The following MAGI3 variants were observed in gnomAD, a reference collection of about 807,000 sequenced individuals.
MAGI3 encodes the protein membrane associated guanylate kinase, WW and PDZ domain containing 3.
In MAGI3, 43 loss-of-function variants were observed where a neutral mutation model predicts 121.8. The observed-to-expected ratio is 0.35, with a 90% CI of 0.28 to 0.46. MAGI3 has a LOEUF of 0.46. MAGI3 is among the 20% of genes least tolerant of loss of function. The pLI is 1.00. For synonymous variants in MAGI3, 553 were observed against 639.3 expected (o/e 0.86, Z 2.04); for missense variants, 1,547 against 1,797.3 (o/e 0.86, Z 2.52).
At chr1:113,410,960 C>A (rs1335333860) in intron 1 of MAGI3, among the ~76,000 whole-genome samples, 1 of 152,078 alleles carries the variant, frequency 6.6e-6, no homozygotes, top group East Asian at 1.9e-4. Flanking sequence ...AAAAAAGGAA[C>A]TTAACTCCTC....
intron 3 of MAGI3, 34 bp downstream of exon 3, chr1:113,580,695 A>C: frequency 6.5e-7 from 1 of 1,543,440 alleles, no homozygotes; most frequent in Non-Finnish European, 8.7e-7. Flanking sequence ...ACCACCCAAA[A>C]AACTATCTGA....
chr1:113,492,019 A>G (rs1301013046), intron 1 of MAGI3, among the ~76,000 whole-genome samples: 1 of 152,200 alleles, frequency 6.6e-6, no homozygotes, highest in Non-Finnish European at 1.5e-5. Flanking sequence ...AACTCATTCT[A>G]TGAGGCCAGC....
chr1:113,630,232 A>C (rs1166868546), intron 9 of MAGI3, among the ~76,000 whole-genome samples: 1 of 152,080 alleles, frequency 6.6e-6, no homozygotes, highest in Non-Finnish European at 1.5e-5. Context: ...GGCCACCAAC[A>C]CTGGCCCATG....
chr1:113,662,024 A>G (rs188492971), intron 16 of MAGI3, among the ~76,000 whole-genome samples: 66 of 152,348 alleles, frequency 4.3e-4, no homozygotes, highest in African/African-American at 1.6e-3. Context: ...AACTGCATTA[A>G]TGAGTCAAAT....
Position 113,422,904 on chromosome 1 carries a change from T to G in MAGI3, c.316+31555T>G, listed in dbSNP as rs928327954. 3.3e-5 allele frequency among the ~76,000 whole-genome samples: 5 copies of G among 152,048 alleles called. No homozygotes were observed. The highest frequency in any genetic ancestry group is 5.9e-5 in the Non-Finnish European group (4 of 68,014). ...TTGCATGTGTGGCTGCCTGGTGCGG[T>G]GGAGGGCGGGAGGGCTATAGTGTTA... is the stretch of plus-strand genomic sequence containing the variant. On this transcript the variant is annotated intron_variant, in intron 1 of 20. Transcript: ENST00000307546. This position sits in a 1 kb window ranked among gnomAD's most constrained non-coding sequence, Gnocchi z 4.3.
chr1:113,680,625 C>T (rs573207509), intron 19 of MAGI3, among the ~76,000 whole-genome samples: 77 of 152,034 alleles, frequency 5.1e-4, no homozygotes, highest in East Asian at 3.1e-3. Flanking sequence ...GGCGTGGTGG[C>T]GGGCGCCTGT....
intron 1 of MAGI3, among the ~76,000 whole-genome samples, chr1:113,479,276 T>C (rs1656001647): frequency 6.6e-6 from 1 of 152,170 alleles, no homozygotes; most frequent in African/African-American, 2.4e-5. Flanking sequence ...CCAGTCCCAA[T>C]GGGATGAACC....
chr1:113,420,303 G>A (rs935433743), intron 1 of MAGI3, among the ~76,000 whole-genome samples: 1 of 152,068 alleles, frequency 6.6e-6, no homozygotes, highest in African/African-American at 2.4e-5. Flanking sequence ...ATTATAATTT[G>A]GATATGGAAC....
intron 1 of MAGI3, among the ~76,000 whole-genome samples, chr1:113,495,358 CTT>C (rs11458302): frequency 9.0e-5 from 13 of 143,900 alleles, no homozygotes; most frequent in East Asian, 2.0e-4. Flanking sequence ...TGAAGTACCT[CTT>C]TTTTTTTTTT....
intron 1 of MAGI3, among the ~76,000 whole-genome samples, chr1:113,483,057 C>T (rs1164896409): frequency 6.6e-6 from 1 of 152,176 alleles, no homozygotes; most frequent in Non-Finnish European, 1.5e-5. Flanking sequence ...GATCCACCCA[C>T]TTTGGCTTCC....
At chr1:113,592,081 G>T (rs888017916) in intron 5 of MAGI3, among the ~76,000 whole-genome samples, 4 of 151,818 alleles carry the variant, frequency 2.6e-5, no homozygotes, top group Non-Finnish European at 5.9e-5. Context: ...GACAAAAATG[G>T]ACTACATCAA....
At chr1:113,526,346 A>T (rs1320960037) in intron 1 of MAGI3, among the ~76,000 whole-genome samples, 1 of 152,212 alleles carries the variant, frequency 6.6e-6, no homozygotes, top group African/African-American at 2.4e-5. Flanking sequence ...CTCTCCAAAG[A>T]TATAGTATCT....
At chr1:113,529,605 TCTAA>T (rs1658613338) in intron 1 of MAGI3, among the ~76,000 whole-genome samples, 3 of 152,196 alleles carry the variant, frequency 2.0e-5, no homozygotes, top group South Asian at 2.1e-4. Context: ...GTACTACAAC[TCTAA>T]CTATCCTTAT....
intron 1 of MAGI3, among the ~76,000 whole-genome samples, chr1:113,542,458 A>G (rs1207946965): frequency 1.3e-5 from 2 of 152,208 alleles, no homozygotes; most frequent in Non-Finnish European, 2.9e-5. Flanking sequence ...TGGGTAACTG[A>G]AACCGTGGAA....
intron 1 of MAGI3, among the ~76,000 whole-genome samples, chr1:113,468,752 A>G (rs1655409694): frequency 1.3e-5 from 2 of 152,234 alleles, no homozygotes; most frequent in Non-Finnish European, 2.9e-5. Flanking sequence ...TAAATAAATT[A>G]TTAAAATAAT....
chr1:113,672,247 C>T (rs370790276), intron 17 of MAGI3, among the ~76,000 whole-genome samples: 27 of 152,322 alleles, frequency 1.8e-4, no homozygotes, highest in African/African-American at 6.5e-4. Flanking sequence ...AAATATTAGC[C>T]TAGATTTCCA....
At chr1:113,446,792 A>G (rs1227132342) in intron 1 of MAGI3, among the ~76,000 whole-genome samples, 1 of 152,262 alleles carries the variant, frequency 6.6e-6, no homozygotes, top group Non-Finnish European at 1.5e-5. Context: ...GAAGGACATT[A>G]TATATTAATA....
At chr1:113,677,654 T>TA (rs1375710603) in intron 19 of MAGI3, among the ~76,000 whole-genome samples, 6 of 152,188 alleles carry the variant, frequency 3.9e-5, no homozygotes, top group Admixed American at 6.5e-5. Flanking sequence ...AGACTGCCTA[T>TA]AAAAAAATAG....
At chr1:113,633,237 CATTTTTTTTTTTTTTTT>C (rs1651766492) in intron 9 of MAGI3, among the ~76,000 whole-genome samples, 2 of 91,958 alleles carry the variant, frequency 2.2e-5, no homozygotes, top group African/African-American at 8.3e-5. Context: ...ATGAACTCAT[CATTTTTTTTTTTTTTTT>C]TTTTTTTTTT....
Sources: allele counts gnomAD v4.1 joint callset (sites outside exome capture counted in the v4.1 genomes callset), GRCh38; gene constraint gnomAD v4.1.1; non-coding constraint Gnocchi (gnomAD v3.1); transcripts MANE v1.5; gene names NCBI Gene and HGNC (gene_info 2026-07-23, HGNC 2026-07-21).